The following ARMH4 variants were observed in gnomAD, a reference collection of about 807,000 sequenced individuals.
ARMH4 encodes armadillo-like helical domain-containing protein 4.
Under a neutral mutation model 61.9 loss-of-function variants are expected in ARMH4, and 49 were observed. That is an observed-to-expected ratio of 0.79 (90% CI 0.63 to 1.00). The LOEUF (loss-of-function observed/expected upper bound fraction) is 1.00, where lower values mean the gene tolerates loss of function less well. Among genes scored for constraint, ARMH4 ranks in the 50% least tolerant of loss-of-function variants. The pLI is 0.00. For synonymous variants in ARMH4, 368 were observed against 341.5 expected (o/e 1.08, Z -0.85); for missense variants, 934 against 930.0 (o/e 1.00, Z -0.06).
At chr14:58,140,275 C>CA (rs143301335) in intron 1 of ARMH4, among the ~76,000 whole-genome samples, 69,081 of 130,868 alleles carry the variant, frequency 0.53, 17,871 homozygotes, top group Non-Finnish European at 0.58. Context: ...AACTCCATCT[C>CA]AAAAAAAAAA....
At chr14:58,010,880 C>A (rs1356343116) in intron 6 of ARMH4, among the ~76,000 whole-genome samples, 1 of 150,872 alleles carries the variant, frequency 6.6e-6, no homozygotes, top group Admixed American at 6.6e-5. Context: ...AGGATACTTT[C>A]TATGGAAACA....
chr14:58,024,755 T>C (rs980752759), intron 5 of ARMH4, among the ~76,000 whole-genome samples: 1 of 152,146 alleles, frequency 6.6e-6, no homozygotes. Flanking sequence ...GAGGCCACTG[T>C]AGGGCTTTTA....
chr14:58,064,388 A>T, intron 5 of ARMH4, among the ~76,000 whole-genome samples: 1 of 152,214 alleles, frequency 6.6e-6, no homozygotes, highest in East Asian at 1.9e-4. Context: ...ATTCACTACA[A>T]TATTGGAGGC....
chr14:58,111,379 A>G (rs1466382594), intron 4 of ARMH4, among the ~76,000 whole-genome samples: 2 of 152,234 alleles, frequency 1.3e-5, no homozygotes, highest in African/African-American at 4.8e-5. Context: ...AAAATCCAAT[A>G]TGCACACAAT....
chr14:58,005,259 CA>C (rs1337405363), intron 6 of ARMH4, 77 bp from the exon 7 acceptor site: 1 of 1,586,492 alleles, frequency 6.3e-7, no homozygotes, highest in Non-Finnish European at 8.6e-7. Context: ...TGCTGGATGG[CA>C]GCAGGTTTTT....
At chr14:58,107,990 C>T (rs1456405845) in intron 4 of ARMH4, among the ~76,000 whole-genome samples, 1 of 152,090 alleles carries the variant, frequency 6.6e-6, no homozygotes, top group Admixed American at 6.5e-5. Flanking sequence ...CAATCAAAAG[C>T]CATTGTTTCC....
chr14:58,087,416 G>A (rs1282464473), intron 5 of ARMH4, among the ~76,000 whole-genome samples: 1 of 152,090 alleles, frequency 6.6e-6, no homozygotes, highest in Non-Finnish European at 1.5e-5. Flanking sequence ...GAGTGCTCTG[G>A]ACATACTAAA....
At chr14:58,133,409 A>C in intron 2 of ARMH4, 68 bp from the exon 3 acceptor site, 5 of 1,430,252 alleles carry the variant, frequency 3.5e-6, no homozygotes, top group Non-Finnish European at 4.7e-6. Context: ...AAATCATGAT[A>C]TGATTAAAAA....
At chr14:58,058,492 T>C (rs147299209) in intron 5 of ARMH4, among the ~76,000 whole-genome samples, 2 of 152,264 alleles carry the variant, frequency 1.3e-5, no homozygotes, top group East Asian at 3.9e-4. Flanking sequence ...AGATTATTCA[T>C]GAGTTTTCCA....
rs1881987699 is a variant in ARMH4 at position 58,001,630 on chromosome 14, T to A, written c.*3106A>T. On this transcript the variant is annotated 3_prime_UTR_variant, in exon 8 of 8. Transcript: ENST00000267485. ...GTGTGAGGTGGTATCTCATTGTGAC[T>A]TTAAATGACCTTGTCTCTATCATAA... is the stretch of plus-strand genomic sequence containing the variant. 6.6e-6 allele frequency: 1 copy of A among 152,228 alleles called. No individual in the cohort carries two copies. The highest frequency in any genetic ancestry group is 1.5e-5 in the Non-Finnish European group (1 of 68,034). The allele number at this position is 152,228 out of a possible 1,614,324, so 9.4% of individuals were successfully genotyped here. A position where few individuals can be genotyped will look rare whatever the true frequency, so the allele number is the denominator to read the frequency against.
rs190891171 is a variant in ARMH4, at chr14:58,098,731, T to C, written c.1832-1750A>G. Among the ~76,000 whole-genome samples, 427 of 151,228 alleles carry C rather than the reference T, an allele frequency of 2.8e-3. 2 individuals are homozygous for C. Among genetic ancestry groups the C allele is most frequent in the African/African-American group, 9.8e-3 (403 of 41,216 alleles). On this transcript the variant is annotated intron_variant, in intron 4 of 7. Transcript: ENST00000267485. ...CCTGGGCTGGGAGGCACAGGGCAAATACAGGAAATGAGGTAGGAAGAAGTA... is the reference window on the plus strand; with the variant it reads ...CCTGGGCTGGGAGGCACAGGGCAAACACAGGAAATGAGGTAGGAAGAAGTA...
chr14:58,063,233 ATGTCTG>A (rs1293571142), intron 5 of ARMH4, among the ~76,000 whole-genome samples: 1 of 152,166 alleles, frequency 6.6e-6, no homozygotes, highest in East Asian at 1.9e-4. Context: ...TTCTCCCTGC[ATGTCTG>A]TGTCTGTGTC....
chr14:58,048,097 T>C (rs1883999953), intron 5 of ARMH4, among the ~76,000 whole-genome samples: 1 of 152,182 alleles, frequency 6.6e-6, no homozygotes, highest in Non-Finnish European at 1.5e-5. Flanking sequence ...AAAAAGGAAT[T>C]CTCATTAACT....
chr14:58,049,338 C>T (rs1053898561), intron 5 of ARMH4, among the ~76,000 whole-genome samples: 3 of 152,012 alleles, frequency 2.0e-5, no homozygotes, highest in Admixed American at 6.6e-5. Flanking sequence ...TAAAAAATGT[C>T]ATAATCATAG....
rs926058154 is a variant in ARMH4 at position 58,000,826 on chromosome 14, C to T, written c.*3910G>A. 1 of 152,214 alleles carries T rather than the reference C, an allele frequency of 6.6e-6. No individual in the cohort carries two copies. The highest frequency in any genetic ancestry group is 2.4e-5 in the African/African-American group (1 of 41,426). 9.4% of individuals were successfully genotyped at this position (152,214 alleles called of 1,614,324 possible). ...GCCAGGATGGTTTCTATCTCCTGAC[C>T]TCATGATCTGCCCACCTTGGCCTCC... On this transcript the variant is annotated 3_prime_UTR_variant, in exon 8 of 8. Transcript: ENST00000267485.
At chr14:58,006,753 C>T (rs1045018996) in intron 6 of ARMH4, among the ~76,000 whole-genome samples, 5 of 143,560 alleles carry the variant, frequency 3.5e-5, no homozygotes, top group African/African-American at 1.0e-4. Context: ...CACACCGGGC[C>T]CTGTCGTGGG....
intron 5 of ARMH4, among the ~76,000 whole-genome samples, chr14:58,054,337 T>G (rs1884246421): frequency 6.6e-6 from 1 of 152,244 alleles, no homozygotes; most frequent in Non-Finnish European, 1.5e-5. Context: ...TTTCCACTCC[T>G]TTCAGTTTCT....
chr14:58,069,602 T>A (rs1470588778), intron 5 of ARMH4, among the ~76,000 whole-genome samples: 1 of 152,140 alleles, frequency 6.6e-6, no homozygotes, highest in African/African-American at 2.4e-5. Flanking sequence ...GAACACTGCA[T>A]GCTCAGGTTA....
intron 5 of ARMH4, among the ~76,000 whole-genome samples, chr14:58,041,299 C>A (rs1416605326): frequency 6.6e-6 from 1 of 152,106 alleles, no homozygotes; most frequent in Non-Finnish European, 1.5e-5. Flanking sequence ...TAGCAAACGG[C>A]ACACCAGGAG....
Sources: allele counts gnomAD v4.1 joint callset (sites outside exome capture counted in the v4.1 genomes callset), GRCh38; gene constraint gnomAD v4.1.1; transcripts MANE v1.5; gene names NCBI Gene and HGNC (gene_info 2026-07-23, HGNC 2026-07-21).